Variants in DIP2B observed in about 807,000 individuals in gnomAD.
DIP2B encodes the protein DIP2 acetate--CoA ligase B (putative), also known as disco-interacting protein 2 homolog B.
Under a neutral mutation model 198.0 loss-of-function variants are expected in DIP2B, and 76 were observed. The ratio of observed to expected loss-of-function variants is 0.38; its 90% CI spans 0.32 to 0.46. The LOEUF (loss-of-function observed/expected upper bound fraction) is 0.46, where lower values mean the gene tolerates loss of function less well. Among genes scored for constraint, DIP2B ranks in the 20% least tolerant of loss-of-function variants. The pLI is 0.99. For missense variants in DIP2B, 1,559 were observed against 1,978.4 expected (o/e 0.79, Z 4.02); for synonymous variants, 701 against 739.1 (o/e 0.95, Z 0.84).
At chr12:50,718,443 G>A (rs1455610549) in intron 23 of DIP2B, among the ~76,000 whole-genome samples, 1 of 152,080 alleles carries the variant, frequency 6.6e-6, no homozygotes, top group Non-Finnish European at 1.5e-5. Context: ...CCCAATCCCT[G>A]TCCCTCCTGT....
chr12:50,513,276 T>C lies in DIP2B; in HGVS notation c.100+8036T>C, dbSNP rs1593567874. Among the ~76,000 whole-genome samples, 3 of 152,320 alleles carry C rather than the reference T, an allele frequency of 2.0e-5. No individual in the cohort carries two copies. In the South Asian group the frequency reaches 6.2e-4, roughly 32 times the overall value. On this transcript the variant is annotated intron_variant, in intron 1 of 37. Coordinates refer to ENST00000301180, the MANE Select transcript of DIP2B (RefSeq NM_173602.3). ...AAGCCTTCACTCCATCATCAGTTGT[T>C]CCTGTTGGCACCTATACCCTATACC...
intron 1 of DIP2B, among the ~76,000 whole-genome samples, chr12:50,532,237 G>T (rs956553270): frequency 7.2e-5 from 11 of 152,166 alleles, no homozygotes; most frequent in South Asian, 2.1e-4. Flanking sequence ...AGTGTTGGCC[G>T]GGTGCGGTGG....
intron 1 of DIP2B, among the ~76,000 whole-genome samples, chr12:50,609,101 C>G (rs888422775): frequency 6.6e-6 from 1 of 151,816 alleles, no homozygotes. Flanking sequence ...CCATTGCACT[C>G]TAGCCTGTCT....
intron 3 of DIP2B, among the ~76,000 whole-genome samples, chr12:50,641,273 C>T (rs1938252536): frequency 6.6e-6 from 1 of 152,302 alleles, no homozygotes; most frequent in Non-Finnish European, 1.5e-5. Flanking sequence ...AGGAGAATCA[C>T]TTGAACCTGG....
intron 1 of DIP2B, among the ~76,000 whole-genome samples, chr12:50,579,423 G>A (rs527654755): frequency 1.3e-5 from 2 of 150,956 alleles, no homozygotes; most frequent in Non-Finnish European, 3.0e-5. Context: ...CACCAGCCTG[G>A]GCAACATGGT....
At chr12:50,711,095 A>G (rs1565878919) in intron 22 of DIP2B, among the ~76,000 whole-genome samples, 1 of 152,242 alleles carries the variant, frequency 6.6e-6, no homozygotes, top group Admixed American at 6.5e-5. Flanking sequence ...AAGCAACTAT[A>G]GGAATTAAAT....
Position 50,727,828 on chromosome 12 carries a change from G to T in DIP2B, c.3510+16G>T. 6.2e-7 allele frequency: 1 copy of T among 1,600,266 alleles called. No homozygotes were observed. Among genetic ancestry groups the T allele is most frequent in the Non-Finnish European group, 8.5e-7 (1 of 1,172,312 alleles). On this transcript the variant is annotated intron_variant, in intron 29 of 37. Coordinates refer to ENST00000301180, the MANE Select transcript of DIP2B (RefSeq NM_173602.3). ...AGGAGTGAAGGTAAGGTGCATGCTG[G>T]AAAAATGCCACATCTGCCAAAAAAT... is the stretch of plus-strand genomic sequence containing the variant.
chr12:50,566,557 T>C (rs1470648490), intron 1 of DIP2B, among the ~76,000 whole-genome samples: 1 of 152,230 alleles, frequency 6.6e-6, no homozygotes, highest in East Asian at 1.9e-4. Context: ...TCTATACCAA[T>C]AATTTGTTTT....
chr12:50,577,289 T>C (rs1353859322), intron 1 of DIP2B, among the ~76,000 whole-genome samples: 1 of 152,054 alleles, frequency 6.6e-6, no homozygotes, highest in African/African-American at 2.4e-5. Flanking sequence ...CTCAGCACTT[T>C]GGGAGGCCGA....
At position 50,662,325 on chromosome 12, in the gene DIP2B, C is replaced by G. The variant is rs1938663582; in HGVS notation, c.427+2006C>G. 2.0e-5 allele frequency among the ~76,000 whole-genome samples: 3 copies of G among 152,186 alleles called. No homozygotes were observed. In the South Asian group the frequency reaches 6.2e-4, roughly 32 times the overall value. ...TGTTGTCAAATAGAAGAGGAATTCT[C>G]TCACAACAAGGGGAAACATTGAGCG... On this transcript the variant is annotated intron_variant, in intron 4 of 37. Transcript: ENST00000301180.
intron 1 of DIP2B, among the ~76,000 whole-genome samples, chr12:50,605,789 T>TGGC: frequency 6.6e-6 from 1 of 152,154 alleles, no homozygotes; most frequent in Non-Finnish European, 1.5e-5. Flanking sequence ...TTCATTTTTC[T>TGGC]CTTAATTTAT....
chr12:50,610,723 G>T (rs1959024204), intron 1 of DIP2B, among the ~76,000 whole-genome samples: 1 of 151,750 alleles, frequency 6.6e-6, no homozygotes, highest in Admixed American at 6.6e-5. Flanking sequence ...AGCCAGGATG[G>T]TCTTGATCAC....
intron 4 of DIP2B, among the ~76,000 whole-genome samples, chr12:50,664,698 A>G (rs911929582): frequency 7.2e-5 from 11 of 152,124 alleles, no homozygotes; most frequent in African/African-American, 2.7e-4. Flanking sequence ...TAGACCACAT[A>G]ATGACCCTAA....
At chr12:50,542,927 G>C (rs970990553) in intron 1 of DIP2B, among the ~76,000 whole-genome samples, 1 of 152,044 alleles carries the variant, frequency 6.6e-6, no homozygotes, top group Admixed American at 6.6e-5. Flanking sequence ...GAGTGCAGTG[G>C]CACAGTCTTG....
At chr12:50,606,244 T>G (rs2139448044) in intron 1 of DIP2B, among the ~76,000 whole-genome samples, 1 of 151,328 alleles carries the variant, frequency 6.6e-6, no homozygotes, top group East Asian at 2.0e-4. Context: ...CCTCAGCCTT[T>G]TGAATAGCTA....
chr12:50,532,589 A>G (rs530400332), intron 1 of DIP2B, among the ~76,000 whole-genome samples: 1 of 152,332 alleles, frequency 6.6e-6, no homozygotes, highest in African/African-American at 2.4e-5. Context: ...ACATACAAAA[A>G]AACCCACCAG....
intron 3 of DIP2B, among the ~76,000 whole-genome samples, chr12:50,653,997 C>T (rs984234177): frequency 6.6e-6 from 1 of 152,088 alleles, no homozygotes; most frequent in African/African-American, 2.4e-5. Context: ...CCTCAGCCTC[C>T]TGAGTAGCTG....
rs117722674 is a variant in DIP2B, at chr12:50,678,822, T to C, written c.1060T>C (p.Ser354Pro). 2,714 of 1,614,212 alleles carry C rather than the reference T, an allele frequency of 1.7e-3. 7 individuals carry two copies. The highest frequency in any genetic ancestry group is 2.1e-3 in the Non-Finnish European group (2,525 of 1,180,028). Residue 354 changes from serine (S) to proline (P), a missense_variant, in exon 8 of 38, where the codon TCC (serine) becomes CCC (proline). Coordinates refer to ENST00000301180, the MANE Select transcript of DIP2B (RefSeq NM_173602.3). Reference sequence around the variant, plus strand: ...CTGGGGTACCACTCAAGCAAAATGCTCCTGTCTGACTGCACTGGACATGAC... The same window carrying C: ...CTGGGGTACCACTCAAGCAAAATGCCCCTGTCTGACTGCACTGGACATGAC... ...QRWGTTQAKC[S>P]CLTALDMTGK...
At chr12:50,739,240 G>A (rs1320347945) in intron 35 of DIP2B, among the ~76,000 whole-genome samples, 169 bp from the exon 36 acceptor site, 1 of 152,242 alleles carries the variant, frequency 6.6e-6, no homozygotes, top group Non-Finnish European at 1.5e-5. Flanking sequence ...AGGATGGATG[G>A]AGATTAGGTA....
Sources: allele counts gnomAD v4.1 joint callset (sites outside exome capture counted in the v4.1 genomes callset), GRCh38; gene constraint gnomAD v4.1.1; transcripts MANE v1.5; gene names NCBI Gene and HGNC (gene_info 2026-07-23, HGNC 2026-07-21).